Variants in SNX29 observed in about 807,000 individuals in gnomAD.
SNX29 encodes the protein sorting nexin-29.
In SNX29, 78 loss-of-function variants were observed where a neutral mutation model predicts 102.1. That is an observed-to-expected ratio of 0.76 (90% confidence interval 0.64 to 0.92). The LOEUF (loss-of-function observed/expected upper bound fraction) is 0.92, where lower values mean the gene tolerates loss of function less well. Ranked by LOEUF, SNX29 falls within the 40% of genes least tolerant of loss-of-function variation. SNX29 has a pLI of 0.00. For synonymous variants in SNX29, 580 were observed against 414.5 expected, an observed-to-expected ratio of 1.40 and a Z score of -4.85; for missense variants, 1,280 against 1,061.7, an observed-to-expected ratio of 1.21 and a Z score of -2.86.
intron 3 of SNX29, among the ~76,000 whole-genome samples, chr16:12,013,500 A>AAAAAAAAATATAT: frequency 2.5e-4 from 8 of 31,626 alleles, no homozygotes; most frequent in Non-Finnish European, 3.7e-4. Context: ...AAAAAAAAAA[A>AAAAAAAAATATAT]ATATATATAT....
chr16:12,266,686 GAAAAAAA>G (rs59509183), intron 14 of SNX29, among the ~76,000 whole-genome samples: 1 of 130,956 alleles, frequency 7.6e-6, no homozygotes, highest in Non-Finnish European at 1.6e-5. Flanking sequence ...ATCTATTATT[GAAAAAAA>G]AAAAAAAAAG....
In SNX29 at chr16:11,982,921, A is replaced by G. The variant is rs404827; in HGVS notation, c.7+6108A>G. Reference sequence around the variant, plus strand: ...TTTTGGCAGCTTTTTATTAAAAAAAATTTTTTTTAATTAACGAATATTTTT... The same window carrying G: ...TTTTGGCAGCTTTTTATTAAAAAAAGTTTTTTTTAATTAACGAATATTTTT... On this transcript the variant is annotated intron_variant, in intron 1 of 20. Coordinates refer to ENST00000566228, the MANE Select transcript of SNX29 (RefSeq NM_032167.5). Among the ~76,000 whole-genome samples, 91 of 151,702 alleles carry G rather than the reference A, an allele frequency of 6.0e-4. 1 individual carries two copies. The highest frequency in any genetic ancestry group is 2.2e-3 in the African/African-American group (90 of 41,338).
At chr16:12,116,944 T>C (rs2053735621) in intron 11 of SNX29, among the ~76,000 whole-genome samples, 1 of 151,256 alleles carries the variant, frequency 6.6e-6, no homozygotes. Flanking sequence ...GGACGAACCA[T>C]GGAAACAGGA....
chr16:12,566,384 G>A (rs2079009004), intron 20 of SNX29, among the ~76,000 whole-genome samples: 1 of 150,332 alleles, frequency 6.7e-6, no homozygotes, highest in Non-Finnish European at 1.5e-5. Context: ...ACAAGGCACT[G>A]GCCTCTCCCA....
intron 10 of SNX29, among the ~76,000 whole-genome samples, chr16:12,070,150 A>G (rs1016037504): frequency 5.9e-5 from 9 of 152,140 alleles, no homozygotes; most frequent in Admixed American, 5.9e-4. Flanking sequence ...AAGTATCTCA[A>G]GGGGAAATTG....
chr16:12,341,049 A>G (rs2081596963), intron 15 of SNX29, among the ~76,000 whole-genome samples: 1 of 152,230 alleles, frequency 6.6e-6, no homozygotes, highest in Admixed American at 6.5e-5. Context: ...ATTACAGTGA[A>G]GGAATATTGA....
intron 13 of SNX29, among the ~76,000 whole-genome samples, chr16:12,136,639 C>T (rs2054671390): frequency 6.6e-6 from 1 of 152,234 alleles, no homozygotes; most frequent in Non-Finnish European, 1.5e-5. Flanking sequence ...CTGCATAGAG[C>T]AAAGATGGCC....
At chr16:12,101,334 G>A (rs1704120) in intron 11 of SNX29, among the ~76,000 whole-genome samples, 1 of 109,510 alleles carries the variant, frequency 9.1e-6, no homozygotes, top group Admixed American at 1.1e-4. Flanking sequence ...AGAACCTTTA[G>A]CATCTCTCTC....
At chr16:12,270,448 A>T (rs919363536) in intron 14 of SNX29, among the ~76,000 whole-genome samples, 1 of 152,132 alleles carries the variant, frequency 6.6e-6, no homozygotes, top group Non-Finnish European at 1.5e-5. Context: ...TCCCAAGGCA[A>T]ATTGAACCTT....
chr16:12,218,266 T>C (rs2077377705), intron 14 of SNX29, among the ~76,000 whole-genome samples: 1 of 152,170 alleles, frequency 6.6e-6, no homozygotes, highest in South Asian at 2.1e-4. Flanking sequence ...CGTAAAGAAG[T>C]TAATCTCTCC....
chr16:12,501,143 C>G (rs888653390), intron 19 of SNX29, among the ~76,000 whole-genome samples: 9 of 152,290 alleles, frequency 5.9e-5, no homozygotes, highest in African/African-American at 2.2e-4. Context: ...CAACTATAAC[C>G]CCAGCACTTT....
In SNX29 at chr16:12,571,921, C is replaced by G. The variant is rs1024182625; in HGVS notation, c.*3292C>G. On this transcript the variant is annotated 3_prime_UTR_variant, in exon 21 of 21. Coordinates refer to ENST00000566228, the MANE Select transcript of SNX29 (RefSeq NM_032167.5). ...CCCTGCATTTCTCTACTGGCAGGCCCTGGTGAAGGAAGACACTTTCAGGGA... is the reference window on the plus strand; with the variant it reads ...CCCTGCATTTCTCTACTGGCAGGCCGTGGTGAAGGAAGACACTTTCAGGGA... 4.7e-6 allele frequency: 5 copies of G among 1,062,236 alleles called. No individual in the cohort carries two copies. Among genetic ancestry groups the G allele is most frequent in the South Asian group, 9.1e-5 (2 of 21,964 alleles). The allele number at this position is 1,062,236 out of a possible 1,614,324, so 65.8% of individuals were successfully genotyped here.
intron 19 of SNX29, among the ~76,000 whole-genome samples, chr16:12,519,512 ATGT>A (rs112178589): frequency 0.017 from 2,604 of 152,338 alleles, 72 homozygotes; most frequent in African/African-American, 0.06. Context: ...AAATGGGAAA[ATGT>A]TGTTAATTTT....
intron 20 of SNX29, among the ~76,000 whole-genome samples, chr16:12,556,776 G>C (rs962937231): frequency 6.6e-6 from 1 of 152,174 alleles, no homozygotes; most frequent in Non-Finnish European, 1.5e-5. Context: ...TCTGGTTTGA[G>C]CATTGGAGTC....
At chr16:12,450,119 C>G (rs2086240509) in intron 18 of SNX29, among the ~76,000 whole-genome samples, 1 of 152,160 alleles carries the variant, frequency 6.6e-6, no homozygotes, top group Non-Finnish European at 1.5e-5. Context: ...TTTGCTCTTC[C>G]TTTGTCTTCT....
At chr16:12,530,617 G>T (rs1212000481) in intron 20 of SNX29, among the ~76,000 whole-genome samples, 1 of 151,726 alleles carries the variant, frequency 6.6e-6, no homozygotes, top group Non-Finnish European at 1.5e-5. Flanking sequence ...GTGCAGTGGC[G>T]CAATCTCAGC....
intron 13 of SNX29, among the ~76,000 whole-genome samples, chr16:12,163,525 G>C (rs2055883076): frequency 6.6e-6 from 1 of 152,166 alleles, no homozygotes; most frequent in African/African-American, 2.4e-5. Context: ...GCAGCACTGA[G>C]GATGCAGCAC....
chr16:12,555,350 G>A (rs186308562), intron 20 of SNX29, among the ~76,000 whole-genome samples: 94 of 152,078 alleles, frequency 6.2e-4, no homozygotes, highest in African/African-American at 2.2e-3. Context: ...AAACATGTTG[G>A]TTAACTTTTC....
intron 13 of SNX29, among the ~76,000 whole-genome samples, chr16:12,172,569 G>A (rs1172433583): frequency 1.3e-5 from 2 of 152,018 alleles, no homozygotes; most frequent in African/African-American, 4.8e-5. Flanking sequence ...CTATAAAATG[G>A]GTTTATAATA....
Sources: gnomAD v4.1 joint callset for allele counts (sites outside exome capture counted in the v4.1 genomes callset) on GRCh38, gnomAD v4.1.1 for gene constraint, MANE v1.5 for transcripts, NCBI Gene and HGNC (gene_info 2026-07-23, HGNC 2026-07-21) for gene names.